SKAP1: variants seen among roughly 807,000 people sequenced by gnomAD.
SKAP1 encodes the protein src kinase associated phosphoprotein 1.
SKAP1 carries 44 observed loss-of-function variants against 58.5 expected under a neutral mutation model. The ratio of observed to expected loss-of-function variants is 0.75; its 90% confidence interval spans 0.59 to 0.97. The LOEUF (loss-of-function observed/expected upper bound fraction) is 0.97. Ranked by LOEUF, SKAP1 falls within the 50% of genes least tolerant of loss-of-function variation. SKAP1 has a pLI of 0.00. For missense variants in SKAP1, 390 were observed against 435.2 expected (o/e 0.90, Z 0.92); for synonymous variants, 127 against 149.7 (o/e 0.85, Z 1.11).
At chr17:48,376,554 A>G (rs2067152872) in intron 2 of SKAP1, among the ~76,000 whole-genome samples, 1 of 152,212 alleles carries the variant, frequency 6.6e-6, no homozygotes, top group African/African-American at 2.4e-5. Flanking sequence ...CTGAAGGCAA[A>G]TGTTATGTAA....
chr17:48,145,781 C>T (rs2063824804), intron 11 of SKAP1, among the ~76,000 whole-genome samples: 1 of 152,174 alleles, frequency 6.6e-6, no homozygotes. Flanking sequence ...TTCCATGGCT[C>T]CCCTGGAGTA....
intron 1 of SKAP1, among the ~76,000 whole-genome samples, chr17:48,423,834 G>A (rs553833318): frequency 3.0e-4 from 46 of 152,214 alleles, no homozygotes; most frequent in African/African-American, 9.9e-4. Context: ...TCACCTCACT[G>A]CAGCCTCAAC....
intron 1 of SKAP1, among the ~76,000 whole-genome samples, chr17:48,423,561 G>A (rs1211829652): frequency 1.3e-5 from 2 of 152,038 alleles, no homozygotes; most frequent in Non-Finnish European, 1.5e-5. Context: ...CTGAAATGTC[G>A]CTAGCACAAC....
intron 3 of SKAP1, among the ~76,000 whole-genome samples, chr17:48,355,756 G>T (rs949467694): frequency 1.3e-5 from 2 of 152,030 alleles, no homozygotes; most frequent in Non-Finnish European, 2.9e-5. Context: ...GAACCTATTG[G>T]TGGGGGTTGC....
At chr17:48,242,270 G>C (rs564473486) in intron 4 of SKAP1, among the ~76,000 whole-genome samples, 1 of 152,156 alleles carries the variant, frequency 6.6e-6, no homozygotes, top group Admixed American at 6.5e-5. Context: ...AATGAACGTC[G>C]TTGATCAGTG....
chr17:48,188,009 A>G (rs1192177332), intron 5 of SKAP1, 83 bp from the exon 6 acceptor site: 6 of 972,446 alleles, frequency 6.2e-6, no homozygotes, highest in East Asian at 2.5e-5. Context: ...CATACAGTCC[A>G]GTGTGTTATT....
chr17:48,243,961 A>G (rs2065268267), intron 4 of SKAP1, among the ~76,000 whole-genome samples: 1 of 152,212 alleles, frequency 6.6e-6, no homozygotes. Flanking sequence ...AAAGAAAGAA[A>G]AAAGTTCAGG....
chr17:48,223,905 T>TAA (rs1276066737), intron 4 of SKAP1, among the ~76,000 whole-genome samples: 1 of 150,986 alleles, frequency 6.6e-6, no homozygotes, highest in Non-Finnish European at 1.5e-5. Flanking sequence ...TAATTAACAA[T>TAA]AAAAAAGTAT....
At chr17:48,198,659 T>C (rs1400118362) in intron 4 of SKAP1, among the ~76,000 whole-genome samples, 2 of 152,148 alleles carry the variant, frequency 1.3e-5, no homozygotes, top group Non-Finnish European at 2.9e-5. Context: ...CAGTGCTTTA[T>C]TTACTTGAAA....
chr17:48,270,801 A>T (rs2065620754), intron 4 of SKAP1, among the ~76,000 whole-genome samples: 1 of 152,140 alleles, frequency 6.6e-6, no homozygotes, highest in African/African-American at 2.4e-5. Flanking sequence ...TTCATGATTC[A>T]GATACATTAT....
chr17:48,158,236 C>T (rs2143238080), intron 11 of SKAP1, among the ~76,000 whole-genome samples: 1 of 149,398 alleles, frequency 6.7e-6, no homozygotes, highest in South Asian at 2.1e-4. Flanking sequence ...CATTCTTGCC[C>T]AAAGGCAAGA....
At chr17:48,276,243 C>A (rs1270435003) in intron 4 of SKAP1, among the ~76,000 whole-genome samples, 1 of 152,176 alleles carries the variant, frequency 6.6e-6, no homozygotes, top group Non-Finnish European at 1.5e-5. Flanking sequence ...CTGCTACTTT[C>A]TCTTTCTAGG....
chr17:48,371,388 G>C (rs1598623787), intron 2 of SKAP1, among the ~76,000 whole-genome samples: 1 of 152,212 alleles, frequency 6.6e-6, no homozygotes, highest in Admixed American at 6.5e-5. Context: ...GAGAATATCA[G>C]ATTCTTGGCC....
chr17:48,375,737 G>C (rs1274965337), intron 2 of SKAP1, among the ~76,000 whole-genome samples: 5 of 152,168 alleles, frequency 3.3e-5, no homozygotes, highest in Admixed American at 3.3e-4. Context: ...TAAACAACAG[G>C]TCAGAGTTGG....
chr17:48,243,571 C>T (rs997428757), intron 4 of SKAP1, among the ~76,000 whole-genome samples: 12 of 152,252 alleles, frequency 7.9e-5, no homozygotes, highest in African/African-American at 2.9e-4. Context: ...TGCCAAAGAA[C>T]TTAAAGTCCC....
chr17:48,307,400 G>A (rs1487767969), intron 4 of SKAP1: 1 of 152,382 alleles, frequency 6.6e-6, no homozygotes, highest in African/African-American at 2.4e-5. Flanking sequence ...TGGATGCAAG[G>A]TCAGCCTTCC....
At chr17:48,253,653 T>G (rs1325518728) in intron 4 of SKAP1, among the ~76,000 whole-genome samples, 1 of 152,114 alleles carries the variant, frequency 6.6e-6, no homozygotes, top group Non-Finnish European at 1.5e-5. Context: ...GACCCTGCTG[T>G]GTTCTGTAAT....
intron 4 of SKAP1, among the ~76,000 whole-genome samples, chr17:48,335,685 C>T (rs2066558158): frequency 6.6e-6 from 1 of 151,878 alleles, no homozygotes; most frequent in African/African-American, 2.4e-5. Context: ...AAATGCTAAC[C>T]ACATCCATTT....
intron 1 of SKAP1, among the ~76,000 whole-genome samples, chr17:48,408,551 T>C (rs550103252): frequency 6.6e-5 from 10 of 152,264 alleles, no homozygotes; most frequent in African/African-American, 2.2e-4. Flanking sequence ...CTATATAAAA[T>C]ACTAGTAAAT....
Sources: gnomAD v4.1 joint callset for allele counts (sites outside exome capture counted in the v4.1 genomes callset) on GRCh38, gnomAD v4.1.1 for gene constraint, MANE v1.5 for transcripts, NCBI Gene and HGNC (gene_info 2026-07-23, HGNC 2026-07-21) for gene names.